The following UBE2E2 variants were observed in gnomAD, a reference collection of about 807,000 sequenced individuals.
UBE2E2 encodes ubiquitin conjugating enzyme E2 E2.
In UBE2E2, 6 loss-of-function variants were observed where a neutral mutation model predicts 24.7. That is an observed-to-expected ratio of 0.24 (90% CI 0.13 to 0.48). UBE2E2 has a LOEUF of 0.48. Among genes scored for constraint, UBE2E2 ranks in the 20% least tolerant of loss-of-function variants. The pLI, the probability that UBE2E2 is intolerant of heterozygous loss-of-function variation, is 0.99. For missense variants in UBE2E2, 169 were observed against 245.0 expected (o/e 0.69, Z 2.07); for synonymous variants, 104 against 83.6 (o/e 1.24, Z -1.33).
At chr3:23,219,949 G>T (rs1256298951) in intron 3 of UBE2E2, among the ~76,000 whole-genome samples, 1 of 152,086 alleles carries the variant, frequency 6.6e-6, no homozygotes, top group Non-Finnish European at 1.5e-5. Flanking sequence ...CCAATACTGT[G>T]TGTTTGTCAG....
rs188676821 is a variant in UBE2E2 at position 23,531,534 on chromosome 3, T to C, written c.361-1020T>C. On this transcript the variant is annotated intron_variant, in intron 4 of 5. Coordinates refer to ENST00000396703, the MANE Select transcript of UBE2E2 (RefSeq NM_152653.4). ...GTTTTACAAATGATATGGTCATGTT[T>C]CACAATTACATGTAAGCAGCATACA... is the stretch of plus-strand genomic sequence containing the variant. 2.6e-5 allele frequency among the ~76,000 whole-genome samples: 4 copies of C among 152,320 alleles called. No homozygotes were observed. In the East Asian group the frequency reaches 5.8e-4, roughly 22 times the overall value.
chr3:23,452,523 T>C (rs745755112), intron 3 of UBE2E2, among the ~76,000 whole-genome samples: 19 of 152,222 alleles, frequency 1.2e-4, no homozygotes, highest in Non-Finnish European at 2.2e-4. Context: ...TTATAAAATA[T>C]GGGAATTCTA....
chr3:23,569,809 A>C (rs759615567), intron 5 of UBE2E2, among the ~76,000 whole-genome samples: 2 of 152,198 alleles, frequency 1.3e-5, no homozygotes, highest in Non-Finnish European at 2.9e-5. Context: ...TAGCACTGCT[A>C]TATAGACTTA....
chr3:23,326,942 C>T (rs534671148), intron 3 of UBE2E2, among the ~76,000 whole-genome samples: 4 of 151,978 alleles, frequency 2.6e-5, no homozygotes, highest in Non-Finnish European at 4.4e-5. Flanking sequence ...TCTGTCCTTG[C>T]GATAGTTTGC....
At chr3:23,497,797 T>C (rs1699636774) in intron 3 of UBE2E2, among the ~76,000 whole-genome samples, 1 of 152,184 alleles carries the variant, frequency 6.6e-6, no homozygotes, top group South Asian at 2.1e-4. Flanking sequence ...ATTTAGTTCA[T>C]CTAAGTTGAC....
intron 3 of UBE2E2, among the ~76,000 whole-genome samples, chr3:23,257,551 T>A (rs1371847269): frequency 7.7e-6 from 1 of 130,628 alleles, no homozygotes; most frequent in Non-Finnish European, 1.6e-5. Context: ...TTTTTTTTTT[T>A]TTTAAGATAT....
chr3:23,392,923 G>A (rs371863556), intron 3 of UBE2E2, among the ~76,000 whole-genome samples: 5 of 152,162 alleles, frequency 3.3e-5, no homozygotes, highest in East Asian at 1.9e-4. Flanking sequence ...GGCCAGGAAG[G>A]GGCAAGTCAG....
At chr3:23,218,454 C>A (rs1483604149) in intron 3 of UBE2E2, among the ~76,000 whole-genome samples, 1 of 151,764 alleles carries the variant, frequency 6.6e-6, no homozygotes, top group Non-Finnish European at 1.5e-5. Context: ...TTTTGGTGGT[C>A]AATGATTATA....
chr3:23,364,132 A>C (rs899871258), intron 3 of UBE2E2, among the ~76,000 whole-genome samples: 1 of 152,086 alleles, frequency 6.6e-6, no homozygotes, highest in Non-Finnish European at 1.5e-5. Context: ...AGAGGGAAGT[A>C]TATAGCACTA....
At chr3:23,464,607 G>T (rs1698883820) in intron 3 of UBE2E2, among the ~76,000 whole-genome samples, 1 of 152,150 alleles carries the variant, frequency 6.6e-6, no homozygotes, top group Non-Finnish European at 1.5e-5. Flanking sequence ...TAAATTAACT[G>T]TGACCTTAAA....
chr3:23,500,633 G>A (rs1315187107), intron 4 of UBE2E2, among the ~76,000 whole-genome samples: 3 of 152,150 alleles, frequency 2.0e-5, no homozygotes, highest in Admixed American at 2.0e-4. Context: ...TTGTGGGTTG[G>A]AGTAAACAAT....
intron 3 of UBE2E2, among the ~76,000 whole-genome samples, chr3:23,437,187 T>A (rs150675063): frequency 4.6e-4 from 70 of 152,328 alleles, no homozygotes; most frequent in Non-Finnish European, 4.0e-4. Flanking sequence ...TCCCAGGGCC[T>A]TTCTCCTTGT....
At chr3:23,380,146 T>A (rs79070902) in intron 3 of UBE2E2, among the ~76,000 whole-genome samples, 3 of 144,394 alleles carry the variant, frequency 2.1e-5, no homozygotes, top group East Asian at 2.1e-4. Flanking sequence ...TTAAAAAAAA[T>A]CATTTTGTTG....
At position 23,569,686 on chromosome 3, in the gene UBE2E2, G is replaced by A. The variant is rs146437034; in HGVS notation, c.509-20048G>A. Reference sequence around the variant, plus strand: ...AAAAATTATTACTTAATTAAGCCTGGAATTGCAACCCAATAGCTTCTCAGT... The same window carrying A: ...AAAAATTATTACTTAATTAAGCCTGAAATTGCAACCCAATAGCTTCTCAGT... On this transcript the variant is annotated intron_variant, in intron 5 of 5. Coordinates refer to ENST00000396703, the MANE Select transcript of UBE2E2 (RefSeq NM_152653.4). Among the ~76,000 whole-genome samples, 637 of 152,176 alleles carry A rather than the reference G, an allele frequency of 4.2e-3. 5 individuals carry two copies. Among genetic ancestry groups the A allele is most frequent in the African/African-American group, 0.015 (607 of 41,496 alleles).
intron 3 of UBE2E2, among the ~76,000 whole-genome samples, chr3:23,350,103 A>G (rs1695693843): frequency 1.3e-5 from 2 of 152,316 alleles, no homozygotes; most frequent in East Asian, 3.9e-4. Flanking sequence ...TGCAGCCACC[A>G]CTGCTGATAC....
intron 3 of UBE2E2, among the ~76,000 whole-genome samples, chr3:23,343,941 C>T (rs1464767706): frequency 6.6e-6 from 1 of 152,100 alleles, no homozygotes; most frequent in African/African-American, 2.4e-5. Context: ...ATAATTCATT[C>T]TATGTTTATG....
intron 3 of UBE2E2, among the ~76,000 whole-genome samples, chr3:23,294,481 A>G (rs1171036558): frequency 6.6e-6 from 1 of 151,904 alleles, no homozygotes; most frequent in Non-Finnish European, 1.5e-5. Context: ...AAAGATAATC[A>G]AGACGTGGCT....
At chr3:23,398,856 AT>A (rs1444006873) in intron 3 of UBE2E2, among the ~76,000 whole-genome samples, 1 of 152,204 alleles carries the variant, frequency 6.6e-6, no homozygotes, top group Non-Finnish European at 1.5e-5. Flanking sequence ...TATGAATCAA[AT>A]ACTTATTATA....
At chr3:23,520,908 G>T (rs953204600) in intron 4 of UBE2E2, among the ~76,000 whole-genome samples, 1 of 152,026 alleles carries the variant, frequency 6.6e-6, no homozygotes, top group African/African-American at 2.4e-5. Flanking sequence ...CTCCCAAAGT[G>T]TTGGGATTAC....
Sources: gnomAD v4.1 joint callset for allele counts (sites outside exome capture counted in the v4.1 genomes callset) on GRCh38, gnomAD v4.1.1 for gene constraint, MANE v1.5 for transcripts, NCBI Gene and HGNC (gene_info 2026-07-23, HGNC 2026-07-21) for gene names.